Variants in KMT2C observed in about 807,000 individuals in gnomAD.
The protein encoded by KMT2C is lysine methyltransferase 2C.
A neutral mutation model predicts 507.9 loss-of-function variants in KMT2C; 88 were observed. The ratio of observed to expected loss-of-function variants is 0.17; its 90% CI spans 0.15 to 0.21. KMT2C has a LOEUF of 0.21. Among genes scored for constraint, KMT2C ranks in the 10% least tolerant of loss-of-function variants. The pLI is 1.00. For missense variants in KMT2C, 4,954 were observed against 5,957.8 expected (o/e 0.83, Z 5.55); for synonymous variants, 2,049 against 2,080.8 (o/e 0.98, Z 0.42).
rs987974774 is a variant in KMT2C, at chr7:152,201,626, A to G, written c.4092+1308T>C. ...AAACAACAACAAAGATGAAAAAAAAAAAAAAAAAAAAAAAAAAGGTAAGCC... is the reference window on the plus strand; with the variant it reads ...AAACAACAACAAAGATGAAAAAAAAGAAAAAAAAAAAAAAAAAGGTAAGCC... On this transcript the variant is annotated intron_variant, in intron 26 of 58. Coordinates refer to ENST00000262189, the MANE Select transcript of KMT2C (RefSeq NM_170606.3). 7.6e-4 allele frequency among the ~76,000 whole-genome samples: 101 copies of G among 132,428 alleles called. 1 individual carries two copies. The highest frequency in any genetic ancestry group is 2.9e-3 in the African/African-American group (89 of 30,796). 86.9% of individuals were successfully genotyped at this position (132,428 alleles called of 152,430 possible). A position where few individuals can be genotyped will look rare whatever the true frequency, so the allele number is the denominator to read the frequency against.
rs2129093280 is a variant in KMT2C, at chr7:152,145,195, G to C, written c.14132C>G (p.Ser4711Cys). 6.2e-7 allele frequency: 1 copy of C among 1,614,154 alleles called. No homozygotes were observed. Among genetic ancestry groups the C allele is most frequent in the Non-Finnish European group, 8.5e-7 (1 of 1,180,024 alleles). The change falls in exon 54 of 59, where the codon TCT becomes TGT. Residue 4711 changes from serine (S) to cysteine (C), a missense_variant. By Grantham distance (112) the Ser-to-Cys change is moderately radical. Around this residue, in one of 29 missense-constraint regions of KMT2C, gnomAD observed 221 missense variants for 304.7 expected, o/e 0.73. Transcript: ENST00000262189. ...LAVNPTGCAR[S>C]EPKMSAHVKR... ...GACATGGGCACTCATTTTAGGTTCAGAACGGGCACAACCTGTGGGGTTAAC... is the reference window on the plus strand; with the variant it reads ...GACATGGGCACTCATTTTAGGTTCACAACGGGCACAACCTGTGGGGTTAAC...
chr7:152,136,743 A>G lies in KMT2C; in HGVS notation c.*89T>C. 1 of 940,308 alleles carries G rather than the reference A, an allele frequency of 1.1e-6. No homozygotes were observed. Among genetic ancestry groups the G allele is most frequent in the East Asian group, 2.4e-5 (1 of 41,800 alleles). 58.2% of individuals were successfully genotyped at this position (940,308 alleles called of 1,614,324 possible). A position where few individuals can be genotyped will look rare whatever the true frequency, so the allele number is the denominator to read the frequency against. On this transcript the variant is annotated 3_prime_UTR_variant, in exon 59 of 59. Coordinates refer to ENST00000262189, the MANE Select transcript of KMT2C (RefSeq NM_170606.3). ...AAAAAGTCATAAAACAGAAAACAAA[A>G]ATCTCTTTCTGTCTGCAAAATTCCA...
intron 46 of KMT2C, among the ~76,000 whole-genome samples, chr7:152,154,712 T>C (rs774679509): frequency 1.2e-4 from 18 of 152,220 alleles, no homozygotes; most frequent in Non-Finnish European, 1.9e-4. Context: ...GAAGATGTTC[T>C]GATTAGCATG....
intron 43 of KMT2C, among the ~76,000 whole-genome samples, chr7:152,161,254 C>G (rs1278845828): frequency 6.6e-6 from 1 of 152,092 alleles, no homozygotes; most frequent in African/African-American, 2.4e-5. Context: ...AGAAAAAAAG[C>G]AACACTTGCA....
intron 26 of KMT2C, among the ~76,000 whole-genome samples, chr7:152,202,005 T>C (rs917544364): frequency 2.0e-5 from 3 of 152,200 alleles, no homozygotes; most frequent in Non-Finnish European, 4.4e-5. Flanking sequence ...ATTGAGGAAG[T>C]TGTATGCTAG....
Position 152,151,551 on chromosome 7 carries a change from C to G in KMT2C, c.12557G>C (p.Gly4186Ala). 14 of 1,614,048 alleles carry G rather than the reference C, an allele frequency of 8.7e-6. No homozygotes were observed. The highest frequency in any genetic ancestry group is 1.1e-5 in the Non-Finnish European group (13 of 1,179,946). Residue 4186 changes from glycine to alanine, a missense_variant, in exon 50 of 59, where the codon GGT (glycine) becomes GCT (alanine). Around this residue, in one of 29 missense-constraint regions of KMT2C, gnomAD observed 417 missense variants for 461.1 expected, o/e 0.90. Coordinates refer to ENST00000262189, the MANE Select transcript of KMT2C (RefSeq NM_170606.3). ...GLSGYKDSSH[G>A]IAESAALRPQ... Reference sequence around the variant, plus strand: ...TCTGAGTGCTGCGCTTTCTGCAATACCATGACTAGAATCCTTATATCCAGA... The same window carrying G: ...TCTGAGTGCTGCGCTTTCTGCAATAGCATGACTAGAATCCTTATATCCAGA...
intron 1 of KMT2C, among the ~76,000 whole-genome samples, chr7:152,383,659 T>C (rs2097394794): frequency 6.6e-6 from 1 of 152,018 alleles, no homozygotes; most frequent in Admixed American, 6.6e-5. Context: ...GAACTCTAGA[T>C]GCAGACTGTT....
chr7:152,359,308 A>T (rs1448962799), intron 1 of KMT2C, among the ~76,000 whole-genome samples: 1 of 151,930 alleles, frequency 6.6e-6, no homozygotes, highest in African/African-American at 2.4e-5. Context: ...AAAAAAACTA[A>T]TGCCTTTAAA....
At chr7:152,435,579 C>G in intron 1 of KMT2C, 47 bp downstream of exon 1, 2 of 1,297,616 alleles carry the variant, frequency 1.5e-6, no homozygotes, top group Non-Finnish European at 2.0e-6. Flanking sequence ...AGCTCCGGCC[C>G]GGCGCCGCCG....
chr7:152,213,861 A>G (rs2094511561), intron 23 of KMT2C, among the ~76,000 whole-genome samples: 1 of 152,118 alleles, frequency 6.6e-6, no homozygotes, highest in Non-Finnish European at 1.5e-5. Context: ...TAAGGAACTC[A>G]CACAACTCAG....
intron 1 of KMT2C, among the ~76,000 whole-genome samples, chr7:152,433,416 C>T (rs951663865): frequency 2.0e-5 from 2 of 102,484 alleles, no homozygotes; most frequent in African/African-American, 5.7e-5. Flanking sequence ...TAGAGATACA[C>T]AATTCAAAAA....
intron 42 of KMT2C, 35 bp downstream of exon 42, chr7:152,167,111 G>C: frequency 1.3e-6 from 2 of 1,497,728 alleles, no homozygotes; most frequent in East Asian, 4.5e-5. Flanking sequence ...CTCATTAATT[G>C]TTGGTAGTTT....
Position 152,330,797 on chromosome 7 carries a change from T to C in KMT2C, c.251-58A>G. Reference sequence around the variant, plus strand: ...TCATTTTTGTGTTTATTTTAATCACTGGTGAATGTATCTATAAAGCATAGG... The same window carrying C: ...TCATTTTTGTGTTTATTTTAATCACCGGTGAATGTATCTATAAAGCATAGG... On this transcript the variant is annotated intron_variant, in intron 2 of 58. Coordinates refer to ENST00000262189, the MANE Select transcript of KMT2C (RefSeq NM_170606.3). 4.1e-6 allele frequency: 6 copies of C among 1,466,344 alleles called. No homozygotes were observed. In the South Asian group the frequency reaches 6.9e-5, roughly 17 times the overall value. 90.8% of individuals were successfully genotyped at this position (1,466,344 alleles called of 1,614,324 possible).
chr7:152,333,621 C>T (rs900918799), intron 2 of KMT2C, among the ~76,000 whole-genome samples: 14 of 152,188 alleles, frequency 9.2e-5, no homozygotes, highest in African/African-American at 3.1e-4. Context: ...CTCAGATTAG[C>T]ACTTCAATCT....
intron 2 of KMT2C, among the ~76,000 whole-genome samples, chr7:152,345,671 C>T (rs546778319): frequency 7.9e-5 from 12 of 152,048 alleles, no homozygotes; most frequent in Non-Finnish European, 1.6e-4. Flanking sequence ...ACAGTACCCG[C>T]CACCATGCTC....
intron 23 of KMT2C, among the ~76,000 whole-genome samples, chr7:152,214,168 A>T (rs1230819951): frequency 2.4e-5 from 3 of 124,594 alleles, no homozygotes; most frequent in Non-Finnish European, 4.6e-5. Context: ...GAGTTTCCTT[A>T]AAAAAAAAAA....
chr7:152,281,822 T>C (rs894991867), intron 6 of KMT2C, among the ~76,000 whole-genome samples: 1 of 151,980 alleles, frequency 6.6e-6, no homozygotes, highest in Non-Finnish European at 1.5e-5. Flanking sequence ...ATTTTACAAA[T>C]GAAGCAGAGA....
chr7:152,363,019 C>A (rs955220573), intron 1 of KMT2C, among the ~76,000 whole-genome samples: 2 of 152,254 alleles, frequency 1.3e-5, no homozygotes, highest in Admixed American at 1.3e-4. Context: ...TTGGCTTCTG[C>A]CATGTGACTT....
chr7:152,182,017 G>A lies in KMT2C; in HGVS notation c.5843C>T (p.Pro1948Leu), dbSNP rs745832908. 3.1e-6 allele frequency: 5 copies of A among 1,614,070 alleles called. No homozygotes were observed. Among genetic ancestry groups the A allele is most frequent in the Middle Eastern group, 1.6e-4 (1 of 6,084 alleles). The change falls in exon 36 of 59, where the codon CCT becomes CTT. Residue 1948 changes from proline to leucine, a missense_variant. Coordinates refer to ENST00000262189, the MANE Select transcript of KMT2C (RefSeq NM_170606.3). Reference sequence around the variant, plus strand: ...GGAAGAAGAACATAAATCTCTGACAGGGGATGGCCTATTTGCTGTTGTCTC... The same window carrying A: ...GGAAGAAGAACATAAATCTCTGACAAGGGATGGCCTATTTGCTGTTGTCTC... ...MNETTANRPSPVRDLCSSSTT... is the reference protein window; with the variant it reads ...MNETTANRPSLVRDLCSSSTT...
Sources: allele counts gnomAD v4.1 joint callset (sites outside exome capture counted in the v4.1 genomes callset), GRCh38; gene constraint gnomAD v4.1.1; regional missense constraint gnomAD v4.1.1; transcripts MANE v1.5; gene names NCBI Gene and HGNC (gene_info 2026-07-23, HGNC 2026-07-21).